Variants in INPP5A observed in about 807,000 individuals in gnomAD.
INPP5A encodes the protein inositol polyphosphate-5-phosphatase A.
Under a neutral mutation model 65.2 loss-of-function variants are expected in INPP5A, and 14 were observed. The ratio of observed to expected loss-of-function variants is 0.21; its 90% CI spans 0.14 to 0.34. INPP5A has a LOEUF of 0.34. Ranked by LOEUF, INPP5A falls within the 10% of genes least tolerant of loss-of-function variation. The probability of loss-of-function intolerance (pLI) is 1.00; values close to 1 mark genes in which losing one functional copy is unlikely to be tolerated. For missense variants in INPP5A, 431 were observed against 545.6 expected (o/e 0.79, Z 2.09); for synonymous variants, 207 against 208.3 (o/e 0.99, Z 0.05).
intron 5 of INPP5A, among the ~76,000 whole-genome samples, chr10:132,694,907 AAAAG>A (rs1374662047): frequency 2.0e-5 from 3 of 152,240 alleles, no homozygotes; most frequent in Non-Finnish European, 4.4e-5. Flanking sequence ...AACCTGCTGA[AAAAG>A]AAAGCATCAG....
At chr10:132,553,571 T>C (rs559985808) in intron 1 of INPP5A, among the ~76,000 whole-genome samples, 1 of 137,150 alleles carries the variant, frequency 7.3e-6, no homozygotes, top group South Asian at 2.5e-4. Context: ...TCTCAGAGCC[T>C]TGATGTGGAA....
intron 1 of INPP5A, among the ~76,000 whole-genome samples, chr10:132,574,980 C>T (rs1042421455): frequency 3.9e-5 from 6 of 152,122 alleles, no homozygotes; most frequent in Admixed American, 2.6e-4. Context: ...AGCCTGGAAG[C>T]CTGCAGCCCA....
chr10:132,552,669 A>G (rs182057134), intron 1 of INPP5A, among the ~76,000 whole-genome samples: 2,396 of 116,256 alleles, frequency 0.021, 56 homozygotes, highest in African/African-American at 0.072. Context: ...TGGAATATTG[A>G]GTAGGATAGG....
intron 4 of INPP5A, among the ~76,000 whole-genome samples, chr10:132,657,267 G>A (rs1230094793): frequency 6.6e-6 from 1 of 152,242 alleles, no homozygotes; most frequent in Non-Finnish European, 1.5e-5. Flanking sequence ...CGCTAGCGCT[G>A]CCTTTGCACC....
intron 4 of INPP5A, among the ~76,000 whole-genome samples, chr10:132,684,670 C>G (rs769149701): frequency 6.6e-6 from 1 of 152,246 alleles, no homozygotes; most frequent in Non-Finnish European, 1.5e-5. Context: ...AGATCAGGCT[C>G]AGAACCACAT....
At chr10:132,757,587 C>T (rs191055141) in intron 11 of INPP5A, among the ~76,000 whole-genome samples, 56 of 152,364 alleles carry the variant, frequency 3.7e-4, no homozygotes, top group African/African-American at 1.3e-3. Context: ...ACCGTATCCC[C>T]GTCGTTCCGT....
intron 12 of INPP5A, among the ~76,000 whole-genome samples, chr10:132,768,100 A>G (rs12765586): frequency 0.18 from 20,414 of 114,070 alleles, 2,001 homozygotes; most frequent in Middle Eastern, 0.27. Context: ...CATGGACCCC[A>G]ACCCTCGGCA....
chr10:132,618,434 A>G (rs1026182255), intron 2 of INPP5A, among the ~76,000 whole-genome samples: 3 of 152,226 alleles, frequency 2.0e-5, no homozygotes, highest in Admixed American at 1.3e-4. Flanking sequence ...CTCAGAGACA[A>G]CTAAAGGTAG....
At chr10:132,743,082 C>T (rs1846302857) in intron 9 of INPP5A, among the ~76,000 whole-genome samples, 1 of 152,222 alleles carries the variant, frequency 6.6e-6, no homozygotes, top group Admixed American at 6.5e-5. Flanking sequence ...AGCAGGGTCA[C>T]GTTGAGAGGG....
At chr10:132,660,897 G>T (rs138128453) in intron 4 of INPP5A, among the ~76,000 whole-genome samples, 9 of 152,154 alleles carry the variant, frequency 5.9e-5, no homozygotes, top group African/African-American at 2.2e-4. Context: ...ATCCATATTG[G>T]TGCACATTTA....
rs779305138 is a variant in INPP5A at position 132,683,510 on chromosome 10, G to GC, written c.307-6881dup. 4.6e-5 allele frequency among the ~76,000 whole-genome samples: 7 copies of GC among 152,116 alleles called. No homozygotes were observed. The South Asian group carries it at 1.2e-3, about 27-fold the overall frequency. On this transcript the variant is annotated intron_variant, in intron 4 of 15. Transcript: ENST00000368594. The stretch of plus-strand genomic sequence containing the variant: ...GTGTGTATTACCCTATGTGGAGGGT[G>GC]CGTGTCTGCAGTGACCCAGCAAATC...
intron 9 of INPP5A, among the ~76,000 whole-genome samples, chr10:132,733,323 G>A (rs1846119671): frequency 6.6e-6 from 1 of 152,254 alleles, no homozygotes; most frequent in Admixed American, 6.5e-5. Flanking sequence ...CAGCGCCGGA[G>A]TGACTGTCTC....
At chr10:132,738,825 G>C (rs1846224201) in intron 9 of INPP5A, among the ~76,000 whole-genome samples, 1 of 152,234 alleles carries the variant, frequency 6.6e-6, no homozygotes, top group East Asian at 1.9e-4. Context: ...CCCCATGACA[G>C]TGCCTTTCAC....
intron 9 of INPP5A, among the ~76,000 whole-genome samples, chr10:132,729,814 G>C (rs1846050405): frequency 6.6e-6 from 1 of 152,314 alleles, no homozygotes; most frequent in Non-Finnish European, 1.5e-5. Flanking sequence ...ACAGAGGACG[G>C]GAATTCTAAT....
At chr10:132,755,596 A>G (rs55853832) in intron 11 of INPP5A, among the ~76,000 whole-genome samples, 3 of 146,276 alleles carry the variant, frequency 2.1e-5, no homozygotes, top group Admixed American at 6.8e-5. Flanking sequence ...GTGAGCAGGC[A>G]TATGCATATG....
At chr10:132,598,715 A>G (rs2071740435) in intron 1 of INPP5A, among the ~76,000 whole-genome samples, 1 of 152,172 alleles carries the variant, frequency 6.6e-6, no homozygotes, top group Non-Finnish European at 1.5e-5. Flanking sequence ...TGGGAATTGT[A>G]TTAGTTCATT....
At chr10:132,708,592 T>C (rs1325924268) in intron 7 of INPP5A, 15 of 668,270 alleles carry the variant, frequency 2.2e-5, no homozygotes, top group Non-Finnish European at 3.9e-5. Context: ...CCAGTGCCAA[T>C]GGAGACACAG....
At chr10:132,571,867 T>A (rs1362821344) in intron 1 of INPP5A, among the ~76,000 whole-genome samples, 1 of 152,204 alleles carries the variant, frequency 6.6e-6, no homozygotes, top group Non-Finnish European at 1.5e-5. Flanking sequence ...GGGTGTGAAC[T>A]GAGCTGGGGC....
chr10:132,621,526 C>G (rs2072110335), intron 2 of INPP5A, among the ~76,000 whole-genome samples: 1 of 152,146 alleles, frequency 6.6e-6, no homozygotes, highest in Non-Finnish European at 1.5e-5. Flanking sequence ...AGGGGGCTTT[C>G]AGGTCACAGG....
Sources: gnomAD v4.1 joint callset for allele counts (sites outside exome capture counted in the v4.1 genomes callset) on GRCh38, gnomAD v4.1.1 for gene constraint, MANE v1.5 for transcripts, NCBI Gene and HGNC (gene_info 2026-07-23, HGNC 2026-07-21) for gene names.